The following CSTF3 variants were observed in gnomAD, a reference collection of about 807,000 sequenced individuals.
CSTF3 encodes CF-1 77 kDa subunit.
A neutral mutation model predicts 105.8 loss-of-function variants in CSTF3; 29 were observed. The observed-to-expected ratio is 0.27, with a 90% CI of 0.20 to 0.37. The LOEUF (loss-of-function observed/expected upper bound fraction) is 0.37, where lower values mean the gene tolerates loss of function less well. Among genes scored for constraint, CSTF3 ranks in the 10% least tolerant of loss-of-function variants. CSTF3 has a pLI of 1.00. For synonymous variants in CSTF3, 252 were observed against 281.9 expected, an observed-to-expected ratio of 0.89 and a Z score of 1.06; for missense variants, 357 against 879.3, an observed-to-expected ratio of 0.41 and a Z score of 7.51.
intron 3 of CSTF3, among the ~76,000 whole-genome samples, chr11:33,114,242 T>C (rs1855408940): frequency 6.6e-6 from 1 of 152,208 alleles, no homozygotes. Flanking sequence ...AATATATTTA[T>C]ATTGAGATCT....
At chr11:33,086,603 A>C (rs372891081) in intron 18 of CSTF3, among the ~76,000 whole-genome samples, 3 of 152,234 alleles carry the variant, frequency 2.0e-5, no homozygotes, top group South Asian at 2.1e-4. Context: ...AGGCCCAGAA[A>C]ATTTTTGTAT....
At chr11:33,139,444 G>A (rs962716475) in intron 3 of CSTF3, among the ~76,000 whole-genome samples, 4 of 151,778 alleles carry the variant, frequency 2.6e-5, no homozygotes, top group African/African-American at 9.7e-5. Flanking sequence ...TATCACTTCG[G>A]ATTTTTAAAA....
chr11:33,095,209 A>G (rs1158806880), intron 15 of CSTF3, among the ~76,000 whole-genome samples: 1 of 152,028 alleles, frequency 6.6e-6, no homozygotes, highest in African/African-American at 2.4e-5. Flanking sequence ...CTATTCATTT[A>G]TTTTTAAATG....
intron 3 of CSTF3, among the ~76,000 whole-genome samples, chr11:33,133,080 T>C (rs1855616955): frequency 6.6e-6 from 1 of 152,140 alleles, no homozygotes; most frequent in Admixed American, 6.5e-5. Context: ...ATCCTGAAAA[T>C]TATCTTTACT....
intron 15 of CSTF3, 96 bp from the exon 16 acceptor site, chr11:33,092,436 C>A: frequency 1.5e-5 from 11 of 732,102 alleles, no homozygotes; most frequent in Non-Finnish European, 2.3e-5. Flanking sequence ...TACAAAAATC[C>A]TATGCAGAAA....
Position 33,099,620 on chromosome 11 carries a change from G to A in CSTF3, c.924C>T (p.Leu308=), listed in dbSNP as rs78085398. ...AQYLEQSSKL[L]AEKGDMNNAK... The stretch of plus-strand genomic sequence containing the variant: ...AAGGAACACTTACTCCCTTTTCTGC[G>A]AGCAGTTTACTTGACTGCTCAAGAT... The change falls in exon 11 of 21, where the codon CTC becomes CTT. Residue 308 remains leucine, a synonymous_variant. Transcript: ENST00000323959. This position sits in a 1 kb window ranked among gnomAD's most constrained non-coding sequence, Gnocchi z 4.1. 22,908 of 1,602,552 alleles carry A rather than the reference G, an allele frequency of 0.014. 181 individuals are homozygous for A. Among genetic ancestry groups the A allele is most frequent in the Middle Eastern group, 0.017 (102 of 6,036 alleles).
intron 3 of CSTF3, among the ~76,000 whole-genome samples, chr11:33,116,756 G>A (rs540608400): frequency 6.6e-6 from 1 of 152,214 alleles, no homozygotes; most frequent in African/African-American, 2.4e-5. Context: ...AGGCTGGGGA[G>A]AATACAGAGG....
chr11:33,145,091 A>C (rs987359673), intron 1 of CSTF3: 1 of 152,534 alleles, frequency 6.6e-6, no homozygotes, highest in Non-Finnish European at 1.5e-5. Context: ...ACACATGACA[A>C]AAATACTAAA....
intron 3 of CSTF3, among the ~76,000 whole-genome samples, chr11:33,135,660 C>T (rs1379223118): frequency 1.3e-5 from 2 of 152,126 alleles, no homozygotes; most frequent in African/African-American, 2.4e-5. Context: ...TGACTTAAAA[C>T]ATTATGTCCA....
chr11:33,143,518 G>A (rs1294486608), intron 1 of CSTF3, among the ~76,000 whole-genome samples: 1 of 152,202 alleles, frequency 6.6e-6, no homozygotes, highest in Non-Finnish European at 1.5e-5. Flanking sequence ...GGGAGGCCGA[G>A]GCAGGCAGAT....
chr11:33,114,165 A>G (rs1422342713), intron 3 of CSTF3, among the ~76,000 whole-genome samples: 1 of 152,208 alleles, frequency 6.6e-6, no homozygotes, highest in African/African-American at 2.4e-5. Flanking sequence ...TTTGCCAGAA[A>G]AGGTCTAATG....
intron 3 of CSTF3, among the ~76,000 whole-genome samples, chr11:33,122,914 CAAAAA>C (rs10600978): frequency 2.4e-5 from 2 of 83,830 alleles, no homozygotes; most frequent in Non-Finnish European, 4.4e-5. Context: ...TATCCTGTCT[CAAAAA>C]AAAAAAAAAA....
intron 3 of CSTF3, among the ~76,000 whole-genome samples, chr11:33,111,529 AG>A (rs1172379355): frequency 6.6e-6 from 1 of 152,218 alleles, no homozygotes; most frequent in Non-Finnish European, 1.5e-5. Flanking sequence ...GAGAAAAATA[AG>A]GAATACCCAC....
At position 33,112,928 on chromosome 11, in the gene CSTF3, A is replaced by C. The variant is rs149664567; in HGVS notation, c.226-4510T>G. 8.9e-3 allele frequency among the ~76,000 whole-genome samples: 1,357 copies of C among 152,104 alleles called. 5 individuals are homozygous for C. The highest frequency in any genetic ancestry group is 0.013 in the Non-Finnish European group (882 of 67,966). On this transcript the variant is annotated intron_variant, in intron 3 of 20. Coordinates refer to ENST00000323959, the MANE Select transcript of CSTF3 (RefSeq NM_001326.3). ...CTCCATTTAAAGACCATTATAAACC[A>C]CATTACATGTGGCTCACACCTGTAA...
In CSTF3 at chr11:33,141,698, C is replaced by A; in HGVS notation, c.194G>T (p.Gly65Val). The change falls in exon 3 of 21, where the codon GGC becomes GTC. Residue 65 changes from glycine to valine, a missense_variant. Physicochemically the swap from Gly to Val is moderately radical, Grantham distance 109. Around this residue, in one of 4 missense-constraint regions of CSTF3, gnomAD observed 78 missense variants for 180.4 expected, o/e 0.43. Transcript: ENST00000323959. ...ERLVAQFPSSGRFWKLYIEAE... is the reference protein window; with the variant it reads ...ERLVAQFPSSVRFWKLYIEAE... ...TTCAATGTACAGTTTCCAGAATCTG[C>A]CAGAACTGGGGAACTGGGCAACAAG... The A allele has an allele frequency of 6.2e-7, 1 of 1,612,280 alleles. No individual in the cohort carries two copies. Among genetic ancestry groups the A allele is most frequent in the South Asian group, 1.1e-5 (1 of 90,552 alleles).
In CSTF3 at chr11:33,099,230, C is replaced by T. The variant is rs1855255558; in HGVS notation, c.937-80G>A. On this transcript the variant is annotated intron_variant, in intron 11 of 20. Transcript: ENST00000323959. The surrounding 1 kb of genome is among the most constrained non-coding windows in gnomAD (Gnocchi z 4.1). ...AATAAAATTAATAAAGTTACATCTACTTTATTTTATTTATGTGTCTAAGAA... is the reference window on the plus strand; with the variant it reads ...AATAAAATTAATAAAGTTACATCTATTTTATTTTATTTATGTGTCTAAGAA... 2.0e-6 allele frequency: 3 copies of T among 1,492,524 alleles called. No homozygotes were observed. The highest frequency in any genetic ancestry group is 2.9e-5 in the African/African-American group (2 of 69,528). The allele number at this position is 1,492,524 out of a possible 1,614,324, so 92.5% of individuals were successfully genotyped here. A position where few individuals can be genotyped will look rare whatever the true frequency, so the allele number is the denominator to read the frequency against.
chr11:33,114,617 G>A (rs940920718), intron 3 of CSTF3, among the ~76,000 whole-genome samples: 1 of 152,112 alleles, frequency 6.6e-6, no homozygotes, highest in East Asian at 1.9e-4. Context: ...TTGGGAGGCC[G>A]AGGCGGGTGG....
At chr11:33,158,839 AAAC>A (rs947817965) in intron 1 of CSTF3, among the ~76,000 whole-genome samples, 14 of 152,154 alleles carry the variant, frequency 9.2e-5, no homozygotes, top group African/African-American at 3.1e-4. Context: ...GCAAGCAAAC[AAAC>A]AACAAAAAAC....
intron 3 of CSTF3, among the ~76,000 whole-genome samples, chr11:33,128,017 T>C (rs1403518578): frequency 6.6e-6 from 1 of 152,210 alleles, no homozygotes; most frequent in Non-Finnish European, 1.5e-5. Context: ...AAGCAATCTT[T>C]TTTCTGTACA....
Sources: gnomAD v4.1 joint callset for allele counts (sites outside exome capture counted in the v4.1 genomes callset) on GRCh38, gnomAD v4.1.1 for gene constraint, gnomAD v4.1.1 regional missense constraint, Gnocchi (gnomAD v3.1) non-coding constraint, MANE v1.5 for transcripts, NCBI Gene and HGNC (gene_info 2026-07-23, HGNC 2026-07-21) for gene names.